RBMS3: variants seen among roughly 807,000 people sequenced by gnomAD.
The protein encoded by RBMS3 is RNA binding motif single stranded interacting protein 3.
A neutral mutation model predicts 66.8 loss-of-function variants in RBMS3; 27 were observed. The ratio of observed to expected loss-of-function variants is 0.40; its 90% CI spans 0.30 to 0.56. The LOEUF (loss-of-function observed/expected upper bound fraction) is 0.56, where lower values mean the gene tolerates loss of function less well. RBMS3 is among the 20% of genes least tolerant of loss of function. The pLI, the probability that RBMS3 is intolerant of heterozygous loss-of-function variation, is 0.40. For missense variants in RBMS3, 513 were observed against 549.5 expected (o/e 0.93, Z 0.66); for synonymous variants, 188 against 183.0 (o/e 1.03, Z -0.22).
rs536849340 is a variant in RBMS3, at chr3:29,628,008, T to C, written c.399+40803T>C. ...AAGACCTGGTCCATTATTGTTTATA[T>C]GGAAATCAATCCTATATTGAACAGA... On this transcript the variant is annotated intron_variant, in intron 4 of 14. Coordinates refer to ENST00000383767, the MANE Select transcript of RBMS3 (RefSeq NM_001003793.3). Among the ~76,000 whole-genome samples the C allele has an allele frequency of 2.0e-3, 302 of 152,254 alleles. 2 individuals carry two copies. The highest frequency in any genetic ancestry group is 0.012 in the South Asian group (57 of 4,830).
At chr3:29,936,239 C>A in intron 11 of RBMS3, 43 bp downstream of exon 11, 2 of 1,540,920 alleles carry the variant, frequency 1.3e-6, no homozygotes, top group Non-Finnish European at 1.8e-6. Context: ...CTTTTTTGAT[C>A]AGATGTGATA....
At chr3:29,920,656 G>T (rs1453146876) in intron 10 of RBMS3, among the ~76,000 whole-genome samples, 2 of 151,856 alleles carry the variant, frequency 1.3e-5, no homozygotes, top group Non-Finnish European at 2.9e-5. Flanking sequence ...AGTCCCTAAT[G>T]AATATACATA....
chr3:29,400,853 T>A (rs1353691197), intron 1 of RBMS3, among the ~76,000 whole-genome samples: 1 of 152,030 alleles, frequency 6.6e-6, no homozygotes, highest in Non-Finnish European at 1.5e-5. Context: ...GGAGAATAAG[T>A]CCACTGCTTT....
chr3:29,706,617 C>T (rs1479803561), intron 4 of RBMS3, among the ~76,000 whole-genome samples: 1 of 152,190 alleles, frequency 6.6e-6, no homozygotes, highest in Non-Finnish European at 1.5e-5. Context: ...TCACAAGAAA[C>T]TCTTCAGGGA....
intron 4 of RBMS3, among the ~76,000 whole-genome samples, chr3:29,608,070 C>G (rs2048369814): frequency 6.6e-6 from 1 of 151,792 alleles, no homozygotes; most frequent in Non-Finnish European, 1.5e-5. Flanking sequence ...TTTCATCCAA[C>G]TATTTTACCA....
At position 29,403,353 on chromosome 3, in the gene RBMS3, A is replaced by G. The variant is rs536950792; in HGVS notation, c.76-31390A>G. Among the ~76,000 whole-genome samples the G allele has an allele frequency of 1.4e-4, 21 of 152,204 alleles. No homozygotes were observed. The East Asian group carries it at 3.7e-3, about 27-fold the overall frequency. On this transcript the variant is annotated intron_variant, in intron 1 of 14. Transcript: ENST00000383767. ...AAGGTGCTTGTTTAGATCAAACATG[A>G]GAAGCACCTTATGTCACTTTAAGTT...
intron 4 of RBMS3, among the ~76,000 whole-genome samples, chr3:29,625,641 T>A (rs113944329): frequency 0.044 from 6,692 of 151,792 alleles, 157 homozygotes; most frequent in Middle Eastern, 0.072. Flanking sequence ...GGGGTTGCAG[T>A]GAGCTGAGAT....
Position 30,003,991 on chromosome 3 carries a change from TTA to T in RBMS3, c.*130_*131del. ...TTTTGTTGTTGTTGTTGTTTTTTTT[TTA>T]GTGTTATACCTTACCCAATGAAAGC... On this transcript the variant is annotated 3_prime_UTR_variant, in exon 15 of 15. Transcript: ENST00000383767. The T allele has an allele frequency of 1.3e-6, 1 of 766,952 alleles. No individual in the cohort carries two copies. Among genetic ancestry groups the T allele is most frequent in the Non-Finnish European group, 1.9e-6 (1 of 531,134 alleles). The allele number at this position is 766,952 out of a possible 1,614,324, so 47.5% of individuals were successfully genotyped here.
chr3:29,539,548 G>A (rs1027332924), intron 3 of RBMS3, among the ~76,000 whole-genome samples: 1 of 152,100 alleles, frequency 6.6e-6, no homozygotes, highest in Non-Finnish European at 1.5e-5. Context: ...AGATAACTAA[G>A]CTAACTTTAA....
At chr3:29,560,107 T>C (rs1435747732) in intron 3 of RBMS3, among the ~76,000 whole-genome samples, 2 of 152,132 alleles carry the variant, frequency 1.3e-5, no homozygotes, top group African/African-American at 2.4e-5. Flanking sequence ...TTTCATACAA[T>C]ATGGGCAAAA....
At chr3:29,331,946 T>A (rs2035690205) in intron 1 of RBMS3, among the ~76,000 whole-genome samples, 1 of 151,726 alleles carries the variant, frequency 6.6e-6, no homozygotes, top group South Asian at 2.1e-4. Context: ...ATAGAATTTG[T>A]CTCTCAAACT....
At chr3:29,596,000 G>T (rs1321889686) in intron 4 of RBMS3, among the ~76,000 whole-genome samples, 2 of 152,170 alleles carry the variant, frequency 1.3e-5, no homozygotes, top group African/African-American at 4.8e-5. Flanking sequence ...CACAAGACCG[G>T]TGAGTTATTA....
chr3:29,930,004 A>C (rs2061065818), intron 10 of RBMS3, among the ~76,000 whole-genome samples: 1 of 151,892 alleles, frequency 6.6e-6, no homozygotes, highest in Non-Finnish European at 1.5e-5. Flanking sequence ...GGAATTTGGG[A>C]AATTGGTGTA....
chr3:29,555,150 C>A lies in RBMS3; in HGVS notation c.308-31964C>A, dbSNP rs1257375152. 3.9e-5 allele frequency among the ~76,000 whole-genome samples: 6 copies of A among 152,218 alleles called. No individual in the cohort carries two copies. In the East Asian group the frequency reaches 1.2e-3, roughly 29 times the overall value. On this transcript the variant is annotated intron_variant, in intron 3 of 14. Coordinates refer to ENST00000383767, the MANE Select transcript of RBMS3 (RefSeq NM_001003793.3). ...TATTTAAAATTATACATTTGTTCAA[C>A]AAATATAAATTGAGAGCCTACTTTG... is the stretch of plus-strand genomic sequence containing the variant.
intron 1 of RBMS3, among the ~76,000 whole-genome samples, chr3:29,398,959 T>C (rs187495988): frequency 1.7e-3 from 258 of 152,294 alleles, no homozygotes; most frequent in African/African-American, 5.9e-3. Flanking sequence ...GAAATGCTTA[T>C]TGTGAGTGTG....
chr3:29,648,731 A>T (rs977590831), intron 4 of RBMS3, among the ~76,000 whole-genome samples: 10 of 151,930 alleles, frequency 6.6e-5, no homozygotes, highest in Non-Finnish European at 1.2e-4. Flanking sequence ...TTTCCTAAAC[A>T]TGTCCAAATA....
intron 4 of RBMS3, among the ~76,000 whole-genome samples, chr3:29,736,286 T>C (rs982808081): frequency 1.5e-4 from 23 of 152,234 alleles, no homozygotes; most frequent in African/African-American, 5.3e-4. Context: ...TCCAATGTGC[T>C]ACTGTCTCTG....
intron 1 of RBMS3, among the ~76,000 whole-genome samples, chr3:29,369,425 T>G (rs13323108): frequency 0.15 from 22,548 of 150,742 alleles, 1,984 homozygotes; most frequent in East Asian, 0.29. Context: ...AACCTAATAG[T>G]CATTTAAAGG....
chr3:29,912,389 A>T (rs1054706933), intron 10 of RBMS3, among the ~76,000 whole-genome samples: 15 of 152,066 alleles, frequency 9.9e-5, no homozygotes, highest in Non-Finnish European at 1.5e-4. Flanking sequence ...AACCCAACTT[A>T]TTAGGGAAAA....
Sources: allele counts gnomAD v4.1 joint callset (sites outside exome capture counted in the v4.1 genomes callset), GRCh38; gene constraint gnomAD v4.1.1; transcripts MANE v1.5; gene names NCBI Gene and HGNC (gene_info 2026-07-23, HGNC 2026-07-21).